The following PDGFD variants were observed in gnomAD, a reference collection of about 807,000 sequenced individuals.
PDGFD encodes platelet derived growth factor D, also known as platelet-derived growth factor D.
Under a neutral mutation model 44.7 loss-of-function variants are expected in PDGFD, and 30 were observed. That is an observed-to-expected ratio of 0.67 (90% CI 0.50 to 0.91). PDGFD has a LOEUF of 0.91. Ranked by LOEUF, PDGFD falls within the 40% of genes least tolerant of loss-of-function variation. The pLI, the probability that PDGFD is intolerant of heterozygous loss-of-function variation, is 0.00. For synonymous variants in PDGFD, 173 were observed against 168.4 expected (o/e 1.03, Z -0.21); for missense variants, 445 against 457.8 (o/e 0.97, Z 0.25).
At chr11:104,024,053 C>G (rs1860002390) in intron 1 of PDGFD, among the ~76,000 whole-genome samples, 1 of 152,090 alleles carries the variant, frequency 6.6e-6, no homozygotes, top group African/African-American at 2.4e-5. Context: ...ATACATGTAA[C>G]ATTAACGAAA....
At chr11:103,952,066 T>C (rs1299802650) in intron 3 of PDGFD, among the ~76,000 whole-genome samples, 1 of 152,184 alleles carries the variant, frequency 6.6e-6, no homozygotes, top group South Asian at 2.1e-4. Context: ...ACAGCCAGTG[T>C]CCATTCTGAC....
chr11:104,134,370 T>G (rs1038576680), intron 1 of PDGFD, among the ~76,000 whole-genome samples: 3 of 152,158 alleles, frequency 2.0e-5, no homozygotes, highest in Admixed American at 6.5e-5. Context: ...CTAAGTATAC[T>G]ATTAAAGGAA....
At chr11:103,960,211 G>T (rs992785369) in intron 3 of PDGFD, among the ~76,000 whole-genome samples, 1 of 152,136 alleles carries the variant, frequency 6.6e-6, no homozygotes, top group Non-Finnish European at 1.5e-5. Flanking sequence ...CCAAAAAAAG[G>T]ATAAACTGCA....
chr11:104,139,413 C>CACTA (rs1862052779), intron 1 of PDGFD, among the ~76,000 whole-genome samples: 1 of 152,084 alleles, frequency 6.6e-6, no homozygotes, highest in Non-Finnish European at 1.5e-5. Flanking sequence ...AAAAGCTGAG[C>CACTA]ACTAACTGCC....
chr11:104,010,542 T>G (rs1210231327), intron 1 of PDGFD, among the ~76,000 whole-genome samples: 1 of 152,100 alleles, frequency 6.6e-6, no homozygotes, highest in Non-Finnish European at 1.5e-5. Flanking sequence ...CAAAATAGCT[T>G]GTATTTTATA....
intron 1 of PDGFD, among the ~76,000 whole-genome samples, chr11:104,044,336 G>A (rs752131998): frequency 3.3e-5 from 5 of 152,120 alleles, no homozygotes; most frequent in African/African-American, 4.8e-5. Flanking sequence ...AAAGGAATAT[G>A]GTTGCCTTAG....
At chr11:103,949,989 T>C (rs1858725078) in intron 3 of PDGFD, among the ~76,000 whole-genome samples, 1 of 152,164 alleles carries the variant, frequency 6.6e-6, no homozygotes, top group South Asian at 2.1e-4. Context: ...ATGAGTCATG[T>C]TGGGCATAGT....
intron 1 of PDGFD, among the ~76,000 whole-genome samples, chr11:104,028,449 T>C (rs1421478439): frequency 6.6e-6 from 1 of 151,004 alleles, no homozygotes; most frequent in Admixed American, 6.6e-5. Context: ...TTTTTTTTTT[T>C]CAGGCTGGCT....
At chr11:104,153,180 C>A (rs937711547) in intron 1 of PDGFD, among the ~76,000 whole-genome samples, 1 of 152,138 alleles carries the variant, frequency 6.6e-6, no homozygotes, top group Non-Finnish European at 1.5e-5. Context: ...AAAGCAGAAA[C>A]CTGACAGCCA....
At chr11:104,065,088 C>G (rs1296881270) in intron 1 of PDGFD, among the ~76,000 whole-genome samples, 1 of 152,132 alleles carries the variant, frequency 6.6e-6, no homozygotes, top group African/African-American at 2.4e-5. Flanking sequence ...ACTGGCTTAG[C>G]CTCCAAGCCT....
chr11:104,109,848 T>C (rs1364808228), intron 1 of PDGFD, among the ~76,000 whole-genome samples: 1 of 152,162 alleles, frequency 6.6e-6, no homozygotes, highest in Non-Finnish European at 1.5e-5. Flanking sequence ...CAGAGGTTAA[T>C]AGAGTGTGCT....
intron 1 of PDGFD, among the ~76,000 whole-genome samples, chr11:104,048,783 C>T (rs552429058): frequency 2.6e-4 from 40 of 152,230 alleles, no homozygotes; most frequent in Admixed American, 1.6e-3. Context: ...GCACTGCTTC[C>T]GGAATTAGAA....
At chr11:104,110,886 A>C (rs1312643163) in intron 1 of PDGFD, among the ~76,000 whole-genome samples, 1 of 152,176 alleles carries the variant, frequency 6.6e-6, no homozygotes, top group Non-Finnish European at 1.5e-5. Flanking sequence ...TTTTGAAGGC[A>C]ACTGGAATAG....
intron 1 of PDGFD, among the ~76,000 whole-genome samples, chr11:104,085,792 T>C (rs1013590269): frequency 5.9e-5 from 9 of 152,290 alleles, no homozygotes; most frequent in African/African-American, 1.9e-4. Context: ...GGATAGTGCA[T>C]GTTGCATTAT....
Position 103,909,663 on chromosome 11 carries a change from T to C in PDGFD, c.*31A>G, listed in dbSNP as rs761944002. 5.0e-6 allele frequency: 8 copies of C among 1,612,824 alleles called. No individual in the cohort carries two copies. The East Asian group carries it at 1.8e-4, about 36-fold the overall frequency. On this transcript the variant is annotated 3_prime_UTR_variant, in exon 7 of 7. Coordinates refer to ENST00000393158, the MANE Select transcript of PDGFD (RefSeq NM_025208.5). ...CACCCTCCTTAAACTAAAGGTTCTT[T>C]CAGGCTTAATGTAAGGATGTGCACA...
intron 1 of PDGFD, among the ~76,000 whole-genome samples, chr11:104,119,652 T>G (rs1861734688): frequency 3.1e-4 from 1 of 3,236 alleles, no homozygotes; most frequent in South Asian, 0.017. Context: ...TATTAATAGA[T>G]ATATATAATT....
intron 4 of PDGFD, among the ~76,000 whole-genome samples, chr11:103,943,873 A>AGCTTTTTT (rs1565291091): frequency 6.6e-6 from 1 of 152,192 alleles, no homozygotes. Flanking sequence ...ATCAAATCCA[A>AGCTTTTTT]GTAGATCAGA....
chr11:104,081,970 T>C (rs865980788), intron 1 of PDGFD, among the ~76,000 whole-genome samples: 2 of 152,004 alleles, frequency 1.3e-5, no homozygotes, highest in South Asian at 2.1e-4. Flanking sequence ...GGCTAAATTA[T>C]TTAAAGCAGG....
intron 1 of PDGFD, among the ~76,000 whole-genome samples, chr11:104,076,309 A>G (rs1860957403): frequency 6.6e-6 from 1 of 152,192 alleles, no homozygotes; most frequent in Non-Finnish European, 1.5e-5. Context: ...CTAATGCAGC[A>G]TCTACCATTA....
Sources: gnomAD v4.1 joint callset for allele counts (sites outside exome capture counted in the v4.1 genomes callset) on GRCh38, gnomAD v4.1.1 for gene constraint, MANE v1.5 for transcripts, NCBI Gene and HGNC (gene_info 2026-07-23, HGNC 2026-07-21) for gene names.